The following DOCK4 variants were observed in gnomAD, a reference collection of about 807,000 sequenced individuals.
The protein encoded by DOCK4 is dedicator of cytokinesis 4.
In DOCK4, 97 loss-of-function variants were observed where a neutral mutation model predicts 268.1. The ratio of observed to expected loss-of-function variants is 0.36; its 90% CI spans 0.31 to 0.43. The LOEUF (loss-of-function observed/expected upper bound fraction) is 0.43. DOCK4 is among the 20% of genes least tolerant of loss of function. The pLI, the probability that DOCK4 is intolerant of heterozygous loss-of-function variation, is 1.00. For missense variants in DOCK4, 2,145 were observed against 2,455.7 expected (o/e 0.87, Z 2.67); for synonymous variants, 954 against 887.2 (o/e 1.08, Z -1.34).
At chr7:111,747,798 G>GA (rs1796371933) in intron 42 of DOCK4, among the ~76,000 whole-genome samples, 1 of 151,924 alleles carries the variant, frequency 6.6e-6, no homozygotes, top group Admixed American at 6.6e-5. Context: ...CAGAGACCCT[G>GA]AATATTATCC....
chr7:111,940,702 T>C (rs192609105), intron 10 of DOCK4, among the ~76,000 whole-genome samples: 1 of 152,320 alleles, frequency 6.6e-6, no homozygotes, highest in Non-Finnish European at 1.5e-5. Context: ...GGTGATCAAA[T>C]GTGCATGCTC....
At chr7:111,773,026 C>T (rs1322723313) in intron 36 of DOCK4, among the ~76,000 whole-genome samples, 1 of 152,182 alleles carries the variant, frequency 6.6e-6, no homozygotes, top group Non-Finnish European at 1.5e-5. Context: ...CAAATTACAC[C>T]TGTTTCAGAA....
At chr7:111,797,972 C>A (rs748914188) in intron 30 of DOCK4, among the ~76,000 whole-genome samples, 2 of 152,184 alleles carry the variant, frequency 1.3e-5, no homozygotes, top group Non-Finnish European at 2.9e-5. Context: ...ATGGTGACCA[C>A]TTTGGTCTTT....
chr7:112,093,418 G>A (rs1809817424), intron 1 of DOCK4, among the ~76,000 whole-genome samples: 1 of 151,774 alleles, frequency 6.6e-6, no homozygotes, highest in South Asian at 2.1e-4. Context: ...CTAATATTGT[G>A]ACGACATTTA....
chr7:112,009,357 C>T (rs562507769), intron 1 of DOCK4, among the ~76,000 whole-genome samples: 26 of 152,348 alleles, frequency 1.7e-4, no homozygotes, highest in African/African-American at 6.3e-4. Flanking sequence ...ACAGAACACA[C>T]AAAGCTACTC....
intron 1 of DOCK4, among the ~76,000 whole-genome samples, chr7:112,136,535 T>C (rs550561126): frequency 1.3e-5 from 2 of 152,206 alleles, no homozygotes; most frequent in South Asian, 4.1e-4. Context: ...GGGGATGATG[T>C]GGCAAACAGA....
intron 1 of DOCK4, among the ~76,000 whole-genome samples, chr7:112,130,898 G>C (rs1813736973): frequency 1.3e-5 from 2 of 152,178 alleles, no homozygotes; most frequent in South Asian, 2.1e-4. Flanking sequence ...CTCTGGAACA[G>C]AGTCTTTATT....
At chr7:111,797,685 G>A (rs572917906) in intron 30 of DOCK4, among the ~76,000 whole-genome samples, 1 of 152,170 alleles carries the variant, frequency 6.6e-6, no homozygotes, top group Non-Finnish European at 1.5e-5. Flanking sequence ...AATGAAAAAA[G>A]CACTTTTTAA....
At chr7:111,848,303 C>T (rs144275817) in intron 23 of DOCK4, among the ~76,000 whole-genome samples, 1,997 of 152,242 alleles carry the variant, frequency 0.013, 15 homozygotes, top group Middle Eastern at 0.034. Flanking sequence ...AGAGCTTTCT[C>T]CCTCCCAGGG....
intron 1 of DOCK4, among the ~76,000 whole-genome samples, chr7:112,180,223 GC>G (rs1251787449): frequency 6.6e-6 from 1 of 151,806 alleles, no homozygotes; most frequent in Non-Finnish European, 1.5e-5. Flanking sequence ...GAAGGAGGTA[GC>G]CCCCCTCAAC....
rs952900439 is a variant in DOCK4 at position 111,823,288 on chromosome 7, C to T, written c.2836-832G>A. On this transcript the variant is annotated intron_variant, in intron 26 of 52. Coordinates refer to ENST00000428084, the MANE Select transcript of DOCK4 (RefSeq NM_001363540.2). ...GTGGCGTGATCTCGGCTCACTGCAA[C>T]CTCCACCTCCCGGGTTCAAGCCATT... Among the ~76,000 whole-genome samples the T allele has an allele frequency of 3.4e-5, 5 of 148,234 alleles. No homozygotes were observed. In the East Asian group the frequency reaches 7.9e-4, roughly 24 times the overall value.
At position 111,736,182 on chromosome 7, in the gene DOCK4, G is replaced by A. The variant is rs1466110011; in HGVS notation, c.5305+735C>T. 3.3e-5 allele frequency among the ~76,000 whole-genome samples: 5 copies of A among 152,096 alleles called. No individual in the cohort carries two copies. In the South Asian group the frequency reaches 6.2e-4, roughly 19 times the overall value. ...GACAATAGTTTACTTCTTAATGAGGGCAATTAAAAGGCACTTTCCCAGACT... is the reference window on the plus strand; with the variant it reads ...GACAATAGTTTACTTCTTAATGAGGACAATTAAAAGGCACTTTCCCAGACT... On this transcript the variant is annotated intron_variant, in intron 50 of 52. Transcript: ENST00000428084.
Position 112,137,155 on chromosome 7 carries a change from T to G in DOCK4, c.37+68947A>C, listed in dbSNP as rs1008095757. On this transcript the variant is annotated intron_variant, in intron 1 of 52. Coordinates refer to ENST00000428084, the MANE Select transcript of DOCK4 (RefSeq NM_001363540.2). ...TGGTACAAATAACTGCCAACCACAT[T>G]TAAATAATTTTTTTATCATAGCTTA... Among the ~76,000 whole-genome samples, 3 of 152,300 alleles carry G rather than the reference T, an allele frequency of 2.0e-5. No individual in the cohort carries two copies. In the East Asian group the frequency reaches 5.8e-4, roughly 29 times the overall value.
chr7:111,847,012 T>C lies in DOCK4; in HGVS notation c.2588A>G (p.Lys863Arg). 1 of 1,613,674 alleles carries C rather than the reference T, an allele frequency of 6.2e-7. No homozygotes were observed. Among genetic ancestry groups the C allele is most frequent in the Non-Finnish European group, 8.5e-7 (1 of 1,179,656 alleles). ...RILSNVFCLI[K>R]KNSSEKSVLE... is the part of the protein sequence containing the mutation. ...GTATTTACTTACTGAGCTATTTTTCTTGATAAGACAAAATACGTTGCTAAG... is the reference window on the plus strand; with the variant it reads ...GTATTTACTTACTGAGCTATTTTTCCTGATAAGACAAAATACGTTGCTAAG... The change falls in exon 24 of 53, where the codon AAG becomes AGG. Residue 863 changes from lysine (K) to arginine (R), a missense_variant. By Grantham distance (26) the Lys-to-Arg change is conservative. Transcript: ENST00000428084.
rs985597743 is a variant in DOCK4, at chr7:112,170,553, A to G, written c.37+35549T>C. On this transcript the variant is annotated intron_variant, in intron 1 of 52. Coordinates refer to ENST00000428084, the MANE Select transcript of DOCK4 (RefSeq NM_001363540.2). The stretch of plus-strand genomic sequence containing the variant: ...CAATAGCTCCAAAGACATCGTTACA[A>G]GCAGAACAAGAATTACATTCATAAT... 5.0e-4 allele frequency among the ~76,000 whole-genome samples: 76 copies of G among 152,166 alleles called. 1 individual carries two copies. The highest frequency in any genetic ancestry group is 3.9e-4 in the Admixed American group (6 of 15,264).
chr7:111,835,819 C>A (rs1803193993), intron 25 of DOCK4, among the ~76,000 whole-genome samples: 1 of 152,108 alleles, frequency 6.6e-6, no homozygotes, highest in Admixed American at 6.6e-5. Flanking sequence ...CGCCCACTGC[C>A]ATGGGAGACC....
At chr7:111,987,438 A>G (rs767765014) in intron 6 of DOCK4, among the ~76,000 whole-genome samples, 30 of 149,758 alleles carry the variant, frequency 2.0e-4, no homozygotes, top group African/African-American at 7.6e-4. Flanking sequence ...GAGGACCAGC[A>G]TAATGACTAA....
chr7:111,741,973 T>C (rs769823758), intron 45 of DOCK4, 40 bp downstream of exon 45: 2 of 1,521,700 alleles, frequency 1.3e-6, no homozygotes, highest in Non-Finnish European at 1.8e-6. Flanking sequence ...CAAACGGCAG[T>C]GATCAGGCTG....
Position 111,850,981 on chromosome 7 carries a change from G to A in DOCK4, c.2474-3855C>T, listed in dbSNP as rs547494054. Among the ~76,000 whole-genome samples, 50 of 152,280 alleles carry A rather than the reference G, an allele frequency of 3.3e-4. 1 individual carries two copies. The highest frequency in any genetic ancestry group is 6.8e-3 in the Middle Eastern group (2 of 294). On this transcript the variant is annotated intron_variant, in intron 23 of 52. Coordinates refer to ENST00000428084, the MANE Select transcript of DOCK4 (RefSeq NM_001363540.2). Reference sequence around the variant, plus strand: ...ATTATTTTTTACTTTAACAGATGCCGAGGTAATTCAATGGAGAAACAATAG... The same window carrying A: ...ATTATTTTTTACTTTAACAGATGCCAAGGTAATTCAATGGAGAAACAATAG...
Sources: allele counts gnomAD v4.1 joint callset (sites outside exome capture counted in the v4.1 genomes callset), GRCh38; gene constraint gnomAD v4.1.1; transcripts MANE v1.5; gene names NCBI Gene and HGNC (gene_info 2026-07-23, HGNC 2026-07-21).